The following PTPRT variants were observed in gnomAD, a reference collection of about 807,000 sequenced individuals.
The protein encoded by PTPRT is protein tyrosine phosphatase receptor type T.
A neutral mutation model predicts 176.8 loss-of-function variants in PTPRT; 56 were observed. That is an observed-to-expected ratio of 0.32 (90% CI 0.26 to 0.40). The LOEUF (loss-of-function observed/expected upper bound fraction) is 0.40. Among genes scored for constraint, PTPRT ranks in the 10% least tolerant of loss-of-function variants. PTPRT has a pLI of 1.00. For missense variants in PTPRT, 1,540 were observed against 1,908.2 expected, an observed-to-expected ratio of 0.81 and a Z score of 3.60; for synonymous variants, 783 against 739.0, an observed-to-expected ratio of 1.06 and a Z score of -0.96.
chr20:43,167,830 A>G (rs1387572272), intron 1 of PTPRT, among the ~76,000 whole-genome samples: 1 of 152,192 alleles, frequency 6.6e-6, no homozygotes, highest in African/African-American at 2.4e-5. Context: ...GCTGCCAACA[A>G]CTATATGAGG....
At chr20:43,058,265 G>C (rs1175528422) in intron 1 of PTPRT, among the ~76,000 whole-genome samples, 1 of 152,012 alleles carries the variant, frequency 6.6e-6, no homozygotes, top group Non-Finnish European at 1.5e-5. Flanking sequence ...GAGACAGAGA[G>C]ACAAAGAGAT....
At chr20:42,417,768 C>T (rs1363462673) in intron 9 of PTPRT, among the ~76,000 whole-genome samples, 1 of 151,478 alleles carries the variant, frequency 6.6e-6, no homozygotes, top group Non-Finnish European at 1.5e-5. Context: ...GTCAAAGTCT[C>T]ACTCTCTCAC....
rs534008107 is a variant in PTPRT at position 42,436,011 on chromosome 20, A to G, written c.1560+12209T>C. Among the ~76,000 whole-genome samples the G allele has an allele frequency of 5.3e-5, 8 of 152,328 alleles. No homozygotes were observed. In the South Asian group the frequency reaches 1.7e-3, roughly 32 times the overall value. ...GGCCTGGTAGAGCAGGGAAGGAGAG[A>G]CTGTAAAAAGGACTTGGATAAAGTG... On this transcript the variant is annotated intron_variant, in intron 9 of 30. Coordinates refer to ENST00000373187, the MANE Select transcript of PTPRT (RefSeq NM_007050.6).
At chr20:42,366,923 AAAAG>A (rs1404609744) in intron 9 of PTPRT, among the ~76,000 whole-genome samples, 1 of 152,224 alleles carries the variant, frequency 6.6e-6, no homozygotes, top group Non-Finnish European at 1.5e-5. Flanking sequence ...TAAAAACCAG[AAAAG>A]AAAGTGGCTT....
intron 1 of PTPRT, among the ~76,000 whole-genome samples, chr20:42,982,688 C>T (rs1296482526): frequency 6.6e-6 from 1 of 152,118 alleles, no homozygotes. Context: ...TCCGTCCACT[C>T]GGCTTCCCCA....
At chr20:42,954,812 A>G (rs1025361717) in intron 1 of PTPRT, among the ~76,000 whole-genome samples, 3 of 152,072 alleles carry the variant, frequency 2.0e-5, no homozygotes, top group Non-Finnish European at 4.4e-5. Context: ...TTTCTAGGTC[A>G]CCTTTGTCCA....
intron 15 of PTPRT, among the ~76,000 whole-genome samples, chr20:42,199,871 C>T (rs981931382): frequency 2.0e-5 from 3 of 151,926 alleles, no homozygotes; most frequent in East Asian, 1.9e-4. Flanking sequence ...GATGAGTGTG[C>T]GGGTTAGTTT....
intron 16 of PTPRT, among the ~76,000 whole-genome samples, chr20:42,176,271 C>T (rs191889463): frequency 6.6e-6 from 1 of 152,300 alleles, no homozygotes; most frequent in Admixed American, 6.5e-5. Flanking sequence ...TCTTCTAATT[C>T]TTTTGGTGAG....
intron 13 of PTPRT, among the ~76,000 whole-genome samples, chr20:42,252,496 G>A (rs1046014804): frequency 6.6e-6 from 1 of 152,174 alleles, no homozygotes; most frequent in African/African-American, 2.4e-5. Flanking sequence ...CCTGAATGGG[G>A]AACAGGAGTG....
At chr20:42,242,732 A>G (rs1452804084) in intron 14 of PTPRT, among the ~76,000 whole-genome samples, 1 of 152,170 alleles carries the variant, frequency 6.6e-6, no homozygotes, top group African/African-American at 2.4e-5. Flanking sequence ...GAACTAAGAA[A>G]CTTGTTTCCA....
chr20:43,040,358 A>G (rs1033200967), intron 1 of PTPRT, among the ~76,000 whole-genome samples: 1 of 152,254 alleles, frequency 6.6e-6, no homozygotes, highest in Non-Finnish European at 1.5e-5. Context: ...TACCTAAAAG[A>G]TATATAACTC....
Position 43,133,474 on chromosome 20 carries a change from G to A in PTPRT, c.88+56172C>T, listed in dbSNP as rs941349316. 6.8e-4 allele frequency among the ~76,000 whole-genome samples: 103 copies of A among 152,300 alleles called. 2 individuals carry two copies. The highest frequency in any genetic ancestry group is 2.2e-3 in the African/African-American group (92 of 41,550). On this transcript the variant is annotated intron_variant, in intron 1 of 30. Coordinates refer to ENST00000373187, the MANE Select transcript of PTPRT (RefSeq NM_007050.6). ...AAGCATTAGAGTGCTGGCCGGGCAC[G>A]GTGGCTCACGCCTGTAATCCCAGCA...
At chr20:43,004,099 T>C (rs1297811487) in intron 1 of PTPRT, among the ~76,000 whole-genome samples, 5 of 151,550 alleles carry the variant, frequency 3.3e-5, no homozygotes, top group Admixed American at 6.6e-5. Context: ...ATAAATTCAG[T>C]GGTTGAAATA....
chr20:42,790,575 G>C (rs1434295263), intron 3 of PTPRT, among the ~76,000 whole-genome samples: 3 of 152,102 alleles, frequency 2.0e-5, no homozygotes, highest in Non-Finnish European at 4.4e-5. Flanking sequence ...TGATCTCCCT[G>C]TCTGTCCTCT....
intron 7 of PTPRT, among the ~76,000 whole-genome samples, chr20:42,653,678 T>G (rs542312821): frequency 6.6e-6 from 1 of 152,336 alleles, no homozygotes; most frequent in East Asian, 1.9e-4. Flanking sequence ...AAAATTATTT[T>G]GAACTATTTA....
intron 16 of PTPRT, among the ~76,000 whole-genome samples, chr20:42,174,092 A>G (rs549568017): frequency 2.8e-4 from 43 of 152,306 alleles, no homozygotes; most frequent in Non-Finnish European, 5.0e-4. Flanking sequence ...ATGAAACTGT[A>G]AGGTGGCTTA....
chr20:42,292,073 A>C, intron 12 of PTPRT, among the ~76,000 whole-genome samples: 1 of 152,042 alleles, frequency 6.6e-6, no homozygotes, highest in East Asian at 1.9e-4. Flanking sequence ...ACCTTTGGAA[A>C]GCATATTTTT....
At chr20:42,623,451 C>T (rs2074235781) in intron 7 of PTPRT, among the ~76,000 whole-genome samples, 1 of 152,214 alleles carries the variant, frequency 6.6e-6, no homozygotes. Context: ...AAGCAGGGAA[C>T]TCTCCTGTTT....
chr20:42,367,364 G>A, intron 9 of PTPRT, among the ~76,000 whole-genome samples: 1 of 152,230 alleles, frequency 6.6e-6, no homozygotes, highest in East Asian at 1.9e-4. Flanking sequence ...TGGTATTTTT[G>A]GGGAAACCAC....
Sources: allele counts gnomAD v4.1 joint callset (sites outside exome capture counted in the v4.1 genomes callset), GRCh38; gene constraint gnomAD v4.1.1; transcripts MANE v1.5; gene names NCBI Gene and HGNC (gene_info 2026-07-23, HGNC 2026-07-21).